The following POLR2B variants were observed in gnomAD, a reference collection of about 807,000 sequenced individuals.
The protein encoded by POLR2B is DNA-directed RNA polymerase II subunit RPB2.
POLR2B carries 57 observed loss-of-function variants against 144.6 expected under a neutral mutation model. That is an observed-to-expected ratio of 0.39 (90% CI 0.32 to 0.49). POLR2B has a LOEUF of 0.49. POLR2B is among the 20% of genes least tolerant of loss of function. POLR2B has a pLI of 0.83. For missense variants in POLR2B, 595 were observed against 1,467.4 expected, an observed-to-expected ratio of 0.41 and a Z score of 9.71; for synonymous variants, 442 against 469.8, an observed-to-expected ratio of 0.94 and a Z score of 0.77.
intron 23 of POLR2B, among the ~76,000 whole-genome samples, chr4:57,025,929 TA>T (rs969362777): frequency 3.3e-5 from 5 of 150,354 alleles, no homozygotes; most frequent in East Asian, 3.9e-4. Context: ...ACTACACCTT[TA>T]AAAAAAAAAT....
chr4:57,014,386 G>C (rs1046218501), intron 13 of POLR2B, among the ~76,000 whole-genome samples: 1 of 151,798 alleles, frequency 6.6e-6, no homozygotes. Flanking sequence ...TAGAGACAGG[G>C]TTTCACCATG....
intron 2 of POLR2B, among the ~76,000 whole-genome samples, 164 bp from the exon 3 acceptor site, chr4:56,990,584 C>T (rs1722482841): frequency 6.6e-6 from 1 of 152,154 alleles, no homozygotes; most frequent in Non-Finnish European, 1.5e-5. Flanking sequence ...CCGGTTTCAT[C>T]CTTTTTAAGA....
chr4:57,017,210 C>G lies in POLR2B; in HGVS notation c.2123C>G (p.Ala708Gly). 6.2e-7 allele frequency: 1 copy of G among 1,612,740 alleles called. No individual in the cohort carries two copies. The highest frequency in any genetic ancestry group is 8.5e-7 in the Non-Finnish European group (1 of 1,179,226). The change falls in exon 15 of 25, where the codon GCA becomes GGA. Residue 708 changes from alanine to glycine, a missense_variant. By Grantham distance (60) the Ala-to-Gly change is moderately conservative. Transcript: ENST00000314595. The surrounding 1 kb of genome is among the most constrained non-coding windows in gnomAD (Gnocchi z 4.8). ...CCCTCAATGATCCTTGGTGTCTGTG[C>G]ATCTATTATTCCCTTTCCTGATCAT... Reference protein sequence around the residue: ...IHPSMILGVCASIIPFPDHNQ... With the variant: ...IHPSMILGVCGSIIPFPDHNQ...
intron 23 of POLR2B, 122 bp downstream of exon 23, chr4:57,025,659 T>A (rs1358889927): frequency 1.6e-6 from 1 of 621,472 alleles, no homozygotes; most frequent in Non-Finnish European, 2.9e-6. Flanking sequence ...ATTTCAACAA[T>A]TATCGACTGA....
intron 23 of POLR2B, 40 bp downstream of exon 23, chr4:57,025,577 A>T: frequency 7.2e-7 from 1 of 1,381,628 alleles, no homozygotes; most frequent in Non-Finnish European, 1.0e-6. Flanking sequence ...AATTAACCTT[A>T]TATTATGAAA....
intron 5 of POLR2B, 97 bp downstream of exon 5, chr4:56,994,963 T>C (rs1722634678): frequency 1.2e-6 from 1 of 816,390 alleles, no homozygotes. Flanking sequence ...AAGATTTTCC[T>C]GCAGGATAAC....
intron 7 of POLR2B, 113 bp downstream of exon 7, chr4:56,999,894 A>T (rs1183657610): frequency 3.0e-5 from 21 of 690,228 alleles, no homozygotes; most frequent in Non-Finnish European, 4.2e-5. Flanking sequence ...TTTAGCTGTC[A>T]CAAATCTTAT....
At chr4:56,979,047 G>A (rs368442930) in intron 1 of POLR2B, 43 bp downstream of exon 1, 2 of 1,604,364 alleles carry the variant, frequency 1.2e-6, no homozygotes, top group Non-Finnish European at 1.7e-6. Flanking sequence ...GTCCATTTAA[G>A]CAGGAAAGCG....
At chr4:57,021,845 A>T (rs1723561815) in intron 17 of POLR2B, among the ~76,000 whole-genome samples, 1 of 152,124 alleles carries the variant, frequency 6.6e-6, no homozygotes, top group South Asian at 2.1e-4. Context: ...AACCTAGGTG[A>T]CCATCTTTCA....
chr4:56,984,243 G>A (rs74395682), intron 1 of POLR2B, among the ~76,000 whole-genome samples: 283 of 151,908 alleles, frequency 1.9e-3, no homozygotes, highest in African/African-American at 6.4e-3. Flanking sequence ...TTTTAAAGTT[G>A]TTCCCAGATA....
chr4:56,993,855 G>A (rs1722597606), intron 3 of POLR2B, among the ~76,000 whole-genome samples: 1 of 152,132 alleles, frequency 6.6e-6, no homozygotes, highest in Admixed American at 6.5e-5. Flanking sequence ...GATTAGATTA[G>A]AGCATAGTTC....
rs1630798 is a variant in POLR2B at position 57,017,392 on chromosome 4, T to C, written c.2154+151T>C. 0.24 allele frequency: 185,421 copies of C among 783,806 alleles called. 23,938 individuals are homozygous for C. The highest frequency in any genetic ancestry group is 0.27 in the Non-Finnish European group (128,552 of 480,772). The allele number at this position is 783,806 out of a possible 1,614,324, so 48.6% of individuals were successfully genotyped here. On this transcript the variant is annotated intron_variant, in intron 15 of 24. Coordinates refer to ENST00000314595, the MANE Select transcript of POLR2B (RefSeq NM_000938.3). This position sits in a 1 kb window ranked among gnomAD's most constrained non-coding sequence, Gnocchi z 4.8. ...TCAGTATTTGATATAATTGCTGTTG[T>C]GTTTCATGGTTAAGAGCCGTAATTG...
At chr4:56,987,135 T>G (rs1722360037) in intron 2 of POLR2B, among the ~76,000 whole-genome samples, 1 of 152,204 alleles carries the variant, frequency 6.6e-6, no homozygotes, top group South Asian at 2.1e-4. Context: ...ATTCAGATGA[T>G]TACTTTTGGC....
In POLR2B at chr4:56,990,838, C is replaced by T. The variant is rs371191679; in HGVS notation, c.183C>T (p.Asp61=). The T allele has an allele frequency of 8.6e-5, 138 of 1,613,426 alleles. No homozygotes were observed. Among genetic ancestry groups the T allele is most frequent in the Non-Finnish European group, 1.1e-4 (131 of 1,179,556 alleles). ...IQMSVQRIVE[D]APPIDLQAEA... ...TGTCTGTTCAAAGAATTGTGGAAGACGCTCCTCCTATAGACCTACAGGCTG... is the reference window on the plus strand; with the variant it reads ...TGTCTGTTCAAAGAATTGTGGAAGATGCTCCTCCTATAGACCTACAGGCTG... The change falls in exon 3 of 25, where the codon GAC becomes GAT. Residue 61 remains aspartate (D), a synonymous_variant. Transcript: ENST00000314595.
At chr4:57,027,925 A>G (rs1723777464) in intron 23 of POLR2B, among the ~76,000 whole-genome samples, 1 of 152,246 alleles carries the variant, frequency 6.6e-6, no homozygotes, top group African/African-American at 2.4e-5. Flanking sequence ...TCAGGAAGCT[A>G]TCAAGCCCAT....
intron 7 of POLR2B, among the ~76,000 whole-genome samples, chr4:57,003,709 A>G (rs562193439): frequency 1.3e-5 from 2 of 151,212 alleles, no homozygotes; most frequent in East Asian, 4.0e-4. Flanking sequence ...TGGGTGTGGT[A>G]GTGCATGCCT....
At position 57,005,229 on chromosome 4, in the gene POLR2B, T is replaced by A; in HGVS notation, c.901-17T>A. 2 of 1,438,416 alleles carry A rather than the reference T, an allele frequency of 1.4e-6. No individual in the cohort carries two copies. Among genetic ancestry groups the A allele is most frequent in the Non-Finnish European group, 1.8e-6 (2 of 1,083,204 alleles). 89.1% of individuals were successfully genotyped at this position (1,438,416 alleles called of 1,614,324 possible). On this transcript the variant is annotated splice_polypyrimidine_tract_variant and intron_variant, in intron 7 of 24. Transcript: ENST00000314595. ...AACATGAATTTGAAAATAACTTTTA[T>A]TTAAATTGTCTGATAGGTTAAACCT... is the stretch of plus-strand genomic sequence containing the variant.
At chr4:56,990,401 T>C (rs1347457217) in intron 2 of POLR2B, among the ~76,000 whole-genome samples, 5 of 152,186 alleles carry the variant, frequency 3.3e-5, no homozygotes, top group Non-Finnish European at 7.4e-5. Context: ...AATTTTTTTC[T>C]TATTTGTTGA....
intron 10 of POLR2B, chr4:57,010,122 A>G (rs1723143032): frequency 4.8e-6 from 2 of 415,860 alleles, no homozygotes; most frequent in Non-Finnish European, 8.6e-6. Flanking sequence ...CTAATGTCCT[A>G]GTGTTTGTTT....
Sources: allele counts gnomAD v4.1 joint callset (sites outside exome capture counted in the v4.1 genomes callset), GRCh38; gene constraint gnomAD v4.1.1; non-coding constraint Gnocchi (gnomAD v3.1); transcripts MANE v1.5; gene names NCBI Gene and HGNC (gene_info 2026-07-23, HGNC 2026-07-21).